ITGA8: variants seen among roughly 807,000 people sequenced by gnomAD.
ITGA8 encodes integrin alpha-8.
ITGA8 carries 91 observed loss-of-function variants against 142.3 expected under a neutral mutation model. That is an observed-to-expected ratio of 0.64 (90% CI 0.54 to 0.76). ITGA8 has a LOEUF of 0.76. Ranked by LOEUF, ITGA8 falls within the 30% of genes least tolerant of loss-of-function variation. The pLI is 0.00. For missense variants in ITGA8, 1,406 were observed against 1,327.7 expected, an observed-to-expected ratio of 1.06 and a Z score of -0.92; for synonymous variants, 505 against 485.2, an observed-to-expected ratio of 1.04 and a Z score of -0.54.
At chr10:15,546,231 A>T (rs1833665465) in intron 27 of ITGA8, among the ~76,000 whole-genome samples, 1 of 152,150 alleles carries the variant, frequency 6.6e-6, no homozygotes, top group South Asian at 2.1e-4. Flanking sequence ...GCACTGATGC[A>T]TCTGTTTGCC....
At chr10:15,524,974 A>G (rs1478541468) in intron 28 of ITGA8, among the ~76,000 whole-genome samples, 2 of 152,182 alleles carry the variant, frequency 1.3e-5, no homozygotes, top group South Asian at 2.1e-4. Flanking sequence ...ACTGACATAT[A>G]TGAAGAATCT....
intron 29 of ITGA8, 98 bp from the exon 30 acceptor site, chr10:15,517,342 A>T (rs867036890): frequency 7.0e-5 from 48 of 686,286 alleles, no homozygotes; most frequent in East Asian, 1.3e-4. Context: ...TTTTTTTTTT[A>T]AACTGAGTCT....
intron 23 of ITGA8, among the ~76,000 whole-genome samples, chr10:15,584,296 A>AAAAAGAAAAG (rs61145722): frequency 1.1e-5 from 1 of 89,282 alleles, no homozygotes; most frequent in Non-Finnish European, 3.3e-5. Flanking sequence ...GACTGTCAAG[A>AAAAAGAAAAG]AAAAGAAAAG....
chr10:15,573,865 T>C (rs1335007925), intron 24 of ITGA8, among the ~76,000 whole-genome samples: 1 of 151,864 alleles, frequency 6.6e-6, no homozygotes, highest in Non-Finnish European at 1.5e-5. Context: ...ACTGCTAGCA[T>C]TGACTTTATT....
In ITGA8 at chr10:15,601,948, G is replaced by C. The variant is rs559044626; in HGVS notation, c.2118+2260C>G. ...AATTCAAAGACTGAGTGAAGTCTCT[G>C]CCAAAGGGAAATTGACAGAGAAAAA... On this transcript the variant is annotated intron_variant, in intron 20 of 29. Transcript: ENST00000378076. Among the ~76,000 whole-genome samples the C allele has an allele frequency of 2.0e-5, 3 of 152,328 alleles. No homozygotes were observed. In the East Asian group the frequency reaches 5.8e-4, roughly 29 times the overall value.
intron 6 of ITGA8, among the ~76,000 whole-genome samples, chr10:15,674,578 G>A (rs74601204): frequency 0.011 from 1,716 of 152,248 alleles, 34 homozygotes; most frequent in African/African-American, 0.039. Flanking sequence ...AATGTTAATT[G>A]TTTGATGTTT....
At chr10:15,704,570 A>T (rs1835223283) in intron 2 of ITGA8, among the ~76,000 whole-genome samples, 1 of 151,962 alleles carries the variant, frequency 6.6e-6, no homozygotes, top group South Asian at 2.1e-4. Context: ...TTTTTTTCAC[A>T]CTTGGAATAA....
In ITGA8 at chr10:15,589,735, G is replaced by A. The variant is rs78079350; in HGVS notation, c.2291+2490C>T. 4.2e-3 allele frequency among the ~76,000 whole-genome samples: 624 copies of A among 149,436 alleles called. 7 individuals carry two copies. The highest frequency in any genetic ancestry group is 0.015 in the African/African-American group (610 of 40,596). On this transcript the variant is annotated intron_variant, in intron 22 of 29. Coordinates refer to ENST00000378076, the MANE Select transcript of ITGA8 (RefSeq NM_003638.3). Reference sequence around the variant, plus strand: ...ACCTCTCAAATACCCTAGTAATTGAGTTTTTACAGTGTTTTACTCAAACGC... The same window carrying A: ...ACCTCTCAAATACCCTAGTAATTGAATTTTTACAGTGTTTTACTCAAACGC...
At chr10:15,619,149 T>C (rs1451575267) in intron 13 of ITGA8, among the ~76,000 whole-genome samples, 1 of 152,234 alleles carries the variant, frequency 6.6e-6, no homozygotes, top group Non-Finnish European at 1.5e-5. Context: ...TGATGATCTT[T>C]ATTGCATTCT....
chr10:15,549,303 T>C (rs1185926529), intron 26 of ITGA8, among the ~76,000 whole-genome samples: 1 of 149,306 alleles, frequency 6.7e-6, no homozygotes, highest in Non-Finnish European at 1.5e-5. Context: ...CTCTGCTTTC[T>C]GGGTTCAAGT....
chr10:15,703,847 A>T (rs1008741429), intron 2 of ITGA8, among the ~76,000 whole-genome samples: 1 of 151,846 alleles, frequency 6.6e-6, no homozygotes, highest in South Asian at 2.1e-4. Context: ...ATCCTCCCCC[A>T]AAACACAAAA....
rs568642354 is a variant in ITGA8 at position 15,565,931 on chromosome 10, C to T, written c.2637+6280G>A. On this transcript the variant is annotated intron_variant, in intron 25 of 29. Transcript: ENST00000378076. ...AAGGGTATGTGTGTGTGTGCGCACG[C>T]GTGAGTGAGAGACAGAGGGAAAGAG... Among the ~76,000 whole-genome samples, 6 of 151,934 alleles carry T rather than the reference C, an allele frequency of 3.9e-5. No homozygotes were observed. The South Asian group carries it at 8.3e-4, about 21-fold the overall frequency.
At chr10:15,645,611 G>C (rs921016136) in intron 12 of ITGA8, among the ~76,000 whole-genome samples, 4 of 151,992 alleles carry the variant, frequency 2.6e-5, no homozygotes, top group African/African-American at 9.7e-5. Context: ...TTTTTTCAAA[G>C]AATGTGTAAG....
At chr10:15,531,302 C>T (rs753820795) in intron 27 of ITGA8, 151 bp from the exon 28 acceptor site, 2 of 437,858 alleles carry the variant, frequency 4.6e-6, no homozygotes, top group African/African-American at 2.2e-5. Context: ...TTTTTTCCTC[C>T]CACCCAAGCA....
At chr10:15,531,372 G>A (rs1349167305) in intron 27 of ITGA8, among the ~76,000 whole-genome samples, 5 of 119,844 alleles carry the variant, frequency 4.2e-5, no homozygotes, top group Admixed American at 1.5e-4. Flanking sequence ...GCGTCGAAGC[G>A]TGAATCCATC....
At chr10:15,538,688 T>C (rs139435518) in intron 27 of ITGA8, among the ~76,000 whole-genome samples, 12 of 152,068 alleles carry the variant, frequency 7.9e-5, no homozygotes, top group Non-Finnish European at 1.3e-4. Context: ...TTATGACAAA[T>C]TGTTAAGGTG....
rs573575398 is a variant in ITGA8 at position 15,696,231 on chromosome 10, T to G, written c.344-8193A>C. On this transcript the variant is annotated intron_variant, in intron 2 of 29. Transcript: ENST00000378076. ...CCCGTTAGTTACCTAAGCGAGCCTC[T>G]CAGCATATCACAAACTACGGAGAAA... Among the ~76,000 whole-genome samples the G allele has an allele frequency of 1.4e-4, 22 of 152,300 alleles. No individual in the cohort carries two copies. In the South Asian group the frequency reaches 3.9e-3, roughly 27 times the overall value.
In ITGA8 at chr10:15,575,579, C is replaced by T. The variant is rs762406074; in HGVS notation, c.2388G>A (p.Pro796=). The T allele has an allele frequency of 1.7e-5, 28 of 1,613,400 alleles. No homozygotes were observed. Among genetic ancestry groups the T allele is most frequent in the Middle Eastern group, 3.3e-4 (2 of 6,082 alleles). The change falls in exon 24 of 30, where the codon CCG becomes CCA. Residue 796 remains proline, a synonymous_variant. Coordinates refer to ENST00000378076, the MANE Select transcript of ITGA8 (RefSeq NM_003638.3). ...AGTTATGAATGGGCAGAACAATCTG[C>T]GGAGGGTGTGACACTCTGAAACATG... ...QVEIRGVSHP[P]QIVLPIHNWE...
intron 25 of ITGA8, among the ~76,000 whole-genome samples, chr10:15,567,514 A>G (rs116501397): frequency 6.8e-4 from 103 of 152,256 alleles, no homozygotes; most frequent in African/African-American, 8.7e-4. Context: ...AAAATCCTCT[A>G]TCTCTGACCT....
Sources: allele counts gnomAD v4.1 joint callset (sites outside exome capture counted in the v4.1 genomes callset), GRCh38; gene constraint gnomAD v4.1.1; transcripts MANE v1.5; gene names NCBI Gene and HGNC (gene_info 2026-07-23, HGNC 2026-07-21).